Variants in CCDC85C observed in about 807,000 individuals in gnomAD.
CCDC85C encodes coiled-coil domain containing 85C, also known as coiled-coil domain-containing protein 85C.
CCDC85C carries 18 observed loss-of-function variants against 38.3 expected under a neutral mutation model. The ratio of observed to expected loss-of-function variants is 0.47; its 90% CI spans 0.33 to 0.70. The LOEUF (loss-of-function observed/expected upper bound fraction) is 0.70, where lower values mean the gene tolerates loss of function less well. Among genes scored for constraint, CCDC85C ranks in the 30% least tolerant of loss-of-function variants. CCDC85C has a pLI of 0.03. For synonymous variants in CCDC85C, 264 were observed against 293.8 expected (o/e 0.90, Z 1.04); for missense variants, 566 against 621.2 (o/e 0.91, Z 0.94).
intron 1 of CCDC85C, among the ~76,000 whole-genome samples, chr14:99,543,956 A>C (rs1897759818): frequency 6.6e-6 from 1 of 152,226 alleles, no homozygotes; most frequent in Non-Finnish European, 1.5e-5. Context: ...AGCTGGCTGC[A>C]AGCTCAGCGA....
In CCDC85C at chr14:99,506,367, A is replaced by C. The variant is rs1896975204; in HGVS notation, c.*8879T>G. ...TTGTGATGTGCACGCTGCCTTCTTA[A>C]ACGGATGAGATTGGACTTCCCTTGG... is the stretch of plus-strand genomic sequence containing the variant. On this transcript the variant is annotated 3_prime_UTR_variant, in exon 6 of 6. Transcript: ENST00000380243. 6.6e-6 allele frequency: 1 copy of C among 152,362 alleles called. No homozygotes were observed. The highest frequency in any genetic ancestry group is 2.4e-5 in the African/African-American group (1 of 41,468). 9.4% of individuals were successfully genotyped at this position (152,362 alleles called of 1,614,324 possible). A position where few individuals can be genotyped will look rare whatever the true frequency, so the allele number is the denominator to read the frequency against.
chr14:99,501,018 T>C lies in CCDC85C; in HGVS notation c.*14228A>G. ...CATGGCTTGCTCAGTCAATTCAGCATTGCAGCTGCTAATGCTGTTTCCTTT... is the reference window on the plus strand; with the variant it reads ...CATGGCTTGCTCAGTCAATTCAGCACTGCAGCTGCTAATGCTGTTTCCTTT... On this transcript the variant is annotated 3_prime_UTR_variant, in exon 6 of 6. Transcript: ENST00000380243. The C allele has an allele frequency of 1.6e-6, 1 of 634,804 alleles. No individual in the cohort carries two copies. The highest frequency in any genetic ancestry group is 2.8e-6 in the Non-Finnish European group (1 of 358,616). The allele number at this position is 634,804 out of a possible 1,614,324, so 39.3% of individuals were successfully genotyped here.
At chr14:99,602,616 C>A (rs2055212125) in intron 1 of CCDC85C, among the ~76,000 whole-genome samples, 1 of 152,182 alleles carries the variant, frequency 6.6e-6, no homozygotes, top group Non-Finnish European at 1.5e-5. Flanking sequence ...ACAAGAAAGG[C>A]TCTGAGCCCC....
rs1313803053 is a variant in CCDC85C at position 99,506,484 on chromosome 14, G to C, written c.*8762C>G. 2.6e-5 allele frequency: 4 copies of C among 153,160 alleles called. No individual in the cohort carries two copies. The highest frequency in any genetic ancestry group is 9.7e-5 in the African/African-American group (4 of 41,444). 9.5% of individuals were successfully genotyped at this position (153,160 alleles called of 1,614,324 possible). A position where few individuals can be genotyped will look rare whatever the true frequency, so the allele number is the denominator to read the frequency against. On this transcript the variant is annotated 3_prime_UTR_variant, in exon 6 of 6. Transcript: ENST00000380243. ...GGTGGGCTGTTTCCTCCACCTCAAG[G>C]GGTCCTGACTGCTGGGCTTTTGTGA...
At chr14:99,564,980 A>C (rs1227458877) in intron 1 of CCDC85C, among the ~76,000 whole-genome samples, 1 of 152,158 alleles carries the variant, frequency 6.6e-6, no homozygotes, top group Non-Finnish European at 1.5e-5. Flanking sequence ...CAGCTGCCAC[A>C]GGGGGCAACC....
At chr14:99,529,241 G>T (rs1193857574) in intron 2 of CCDC85C, among the ~76,000 whole-genome samples, 1 of 152,088 alleles carries the variant, frequency 6.6e-6, no homozygotes, top group Non-Finnish European at 1.5e-5. Flanking sequence ...GTAACAGGCA[G>T]ACCAGTCTTG....
rs1269208083 is a variant in CCDC85C, at chr14:99,544,488, G to A, written c.794-8400C>T. ...CATAAAAACAGGGCTAAAATTTGAA[G>A]GGTGTGTGTGTGTGTGTGTGTGTGT... On this transcript the variant is annotated intron_variant, in intron 1 of 5. Coordinates refer to ENST00000380243, the MANE Select transcript of CCDC85C (RefSeq NM_001144995.2). This position sits in a 1 kb window ranked among gnomAD's most constrained non-coding sequence, Gnocchi z 5.3. Among the ~76,000 whole-genome samples, 2 of 147,802 alleles carry A rather than the reference G, an allele frequency of 1.4e-5. No homozygotes were observed. The highest frequency in any genetic ancestry group is 1.5e-5 in the Non-Finnish European group (1 of 67,870).
chr14:99,538,115 C>T (rs921012913), intron 1 of CCDC85C, among the ~76,000 whole-genome samples: 3 of 152,308 alleles, frequency 2.0e-5, no homozygotes, highest in Admixed American at 1.3e-4. Context: ...ATGTGGAACA[C>T]GTGGTACCCC....
intron 1 of CCDC85C, among the ~76,000 whole-genome samples, chr14:99,554,954 C>T (rs1475200004): frequency 2.6e-5 from 4 of 152,210 alleles, no homozygotes; most frequent in Non-Finnish European, 5.9e-5. Context: ...GGACATAGGC[C>T]CATGGGGGCC....
intron 2 of CCDC85C, among the ~76,000 whole-genome samples, chr14:99,525,134 G>A (rs933804976): frequency 2.0e-5 from 3 of 152,204 alleles, no homozygotes; most frequent in Non-Finnish European, 2.9e-5. Context: ...ACTGAGGACC[G>A]GAGTTCAGGA....
intron 1 of CCDC85C, among the ~76,000 whole-genome samples, chr14:99,546,201 C>T (rs1897804642): frequency 1.3e-5 from 2 of 151,940 alleles, no homozygotes; most frequent in African/African-American, 4.8e-5. Flanking sequence ...AAATCTCTAT[C>T]GAGTGCCAGG....
chr14:99,553,340 C>T (rs1433083479), intron 1 of CCDC85C, among the ~76,000 whole-genome samples: 1 of 143,888 alleles, frequency 6.9e-6, no homozygotes, highest in East Asian at 2.1e-4. Flanking sequence ...CACACGGGGG[C>T]CACTAATTCC....
chr14:99,524,694 C>A (rs150822625), intron 2 of CCDC85C, among the ~76,000 whole-genome samples: 1 of 152,222 alleles, frequency 6.6e-6, no homozygotes, highest in African/African-American at 2.4e-5. Flanking sequence ...TGAGACAGGT[C>A]GCTGCCTTTG....
In CCDC85C at chr14:99,554,558, C is replaced by T. The variant is rs74081952; in HGVS notation, c.794-18470G>A. 7.9e-3 allele frequency among the ~76,000 whole-genome samples: 1,209 copies of T among 152,330 alleles called. 16 individuals are homozygous for T. Among genetic ancestry groups the T allele is most frequent in the African/African-American group, 0.028 (1,145 of 41,572 alleles). On this transcript the variant is annotated intron_variant, in intron 1 of 5. Coordinates refer to ENST00000380243, the MANE Select transcript of CCDC85C (RefSeq NM_001144995.2). ...CATGCTGCCAGCTCCAAGCAGGTGA[C>T]AGCAGGAACCGTTAGCCTTGCTGTC...
chr14:99,580,135 C>G (rs2054950581), intron 1 of CCDC85C: 3 of 455,672 alleles, frequency 6.6e-6, no homozygotes, highest in East Asian at 7.0e-5. Context: ...CTGGGACAGA[C>G]AGCCTGTGCA....
At chr14:99,549,636 A>G (rs1897870797) in intron 1 of CCDC85C, among the ~76,000 whole-genome samples, 1 of 152,228 alleles carries the variant, frequency 6.6e-6, no homozygotes, top group Admixed American at 6.5e-5. Flanking sequence ...CTCCTGCGAG[A>G]CACTGTCCCC....
chr14:99,568,257 T>A (rs1346221764), intron 1 of CCDC85C, among the ~76,000 whole-genome samples: 17 of 137,086 alleles, frequency 1.2e-4, no homozygotes, highest in South Asian at 9.9e-4. Context: ...TTTATTTTTT[T>A]TTTTTTTTTT....
chr14:99,562,944 G>A (rs1040198220), intron 1 of CCDC85C, among the ~76,000 whole-genome samples: 11 of 152,068 alleles, frequency 7.2e-5, no homozygotes, highest in Admixed American at 3.9e-4. Flanking sequence ...TTGACACTGC[G>A]GAAAGAGTAT....
intron 2 of CCDC85C, among the ~76,000 whole-genome samples, chr14:99,528,773 C>G (rs1417388124): frequency 1.3e-5 from 2 of 151,968 alleles, no homozygotes; most frequent in Admixed American, 6.6e-5. Context: ...GATTTACTTT[C>G]TTTTTCTTCT....
Sources: gnomAD v4.1 joint callset for allele counts (sites outside exome capture counted in the v4.1 genomes callset) on GRCh38, gnomAD v4.1.1 for gene constraint, Gnocchi (gnomAD v3.1) non-coding constraint, MANE v1.5 for transcripts, NCBI Gene and HGNC (gene_info 2026-07-23, HGNC 2026-07-21) for gene names.